RPTOR: variants seen among roughly 807,000 people sequenced by gnomAD.
The protein encoded by RPTOR is regulatory-associated protein of mTOR.
RPTOR carries 21 observed loss-of-function variants against 169.9 expected under a neutral mutation model. The ratio of observed to expected loss-of-function variants is 0.12; its 90% CI spans 0.09 to 0.18. RPTOR has a LOEUF of 0.18. Among genes scored for constraint, RPTOR ranks in the 10% least tolerant of loss-of-function variants. The pLI is 1.00. For missense variants in RPTOR, 1,133 were observed against 1,855.9 expected, an observed-to-expected ratio of 0.61 and a Z score of 7.16; for synonymous variants, 732 against 753.2, an observed-to-expected ratio of 0.97 and a Z score of 0.46.
Position 80,604,232 on chromosome 17 carries a change from A to G in RPTOR, c.163-21459A>G, listed in dbSNP as rs1488285366. Reference sequence around the variant, plus strand: ...TAGTCACAAAGGGGAAGTAGCAGGTATGTTGCAAGAAAAAACTTATTAGAA... The same window carrying G: ...TAGTCACAAAGGGGAAGTAGCAGGTGTGTTGCAAGAAAAAACTTATTAGAA... On this transcript the variant is annotated intron_variant, in intron 1 of 33. Coordinates refer to ENST00000306801, the MANE Select transcript of RPTOR (RefSeq NM_020761.3). Among the ~76,000 whole-genome samples the G allele has an allele frequency of 2.6e-5, 4 of 152,270 alleles. No homozygotes were observed. In the East Asian group the frequency reaches 5.8e-4, roughly 22 times the overall value.
At chr17:80,913,677 T>A (rs1480427972) in intron 21 of RPTOR, among the ~76,000 whole-genome samples, 2 of 152,176 alleles carry the variant, frequency 1.3e-5, no homozygotes, top group Non-Finnish European at 2.9e-5. Context: ...GGTCTCAAAC[T>A]CCTAGGCTCA....
At chr17:80,632,180 G>C (rs1007258162) in intron 2 of RPTOR, among the ~76,000 whole-genome samples, 1 of 152,130 alleles carries the variant, frequency 6.6e-6, no homozygotes, top group Non-Finnish European at 1.5e-5. Flanking sequence ...GGTTGAAATT[G>C]ACTTCTTATT....
chr17:80,923,694 G>A (rs532822026), intron 23 of RPTOR, 21 bp downstream of exon 23: 17 of 1,559,518 alleles, frequency 1.1e-5, no homozygotes, highest in African/African-American at 6.8e-5. Flanking sequence ...CCGGCTGCCT[G>A]GTGATCTGGA....
chr17:80,842,870 C>A (rs1420725024), intron 10 of RPTOR, among the ~76,000 whole-genome samples: 1 of 152,148 alleles, frequency 6.6e-6, no homozygotes, highest in Non-Finnish European at 1.5e-5. Context: ...CACTGAGGAC[C>A]GTGTCCGCGT....
intron 1 of RPTOR, among the ~76,000 whole-genome samples, chr17:80,591,439 C>T (rs951792996): frequency 1.4e-5 from 2 of 147,990 alleles, no homozygotes; most frequent in Non-Finnish European, 3.0e-5. Flanking sequence ...AGTGCAGTGG[C>T]GTGATCTCGG....
chr17:80,679,393 C>T (rs1225675981), intron 3 of RPTOR, among the ~76,000 whole-genome samples: 1 of 152,206 alleles, frequency 6.6e-6, no homozygotes, highest in African/African-American at 2.4e-5. Flanking sequence ...CGCACAGCCA[C>T]GTTCTCCTCA....
At chr17:80,858,670 G>A (rs774262407) in intron 13 of RPTOR, among the ~76,000 whole-genome samples, 14 of 152,068 alleles carry the variant, frequency 9.2e-5, no homozygotes, top group Admixed American at 2.6e-4. Context: ...GGCGAGACCC[G>A]GCCTATGCTG....
chr17:80,589,521 A>G (rs947555730), intron 1 of RPTOR, among the ~76,000 whole-genome samples: 3 of 152,200 alleles, frequency 2.0e-5, no homozygotes, highest in Non-Finnish European at 2.9e-5. Context: ...TTGTGATTTA[A>G]TCATATCTGT....
intron 6 of RPTOR, among the ~76,000 whole-genome samples, chr17:80,784,558 A>G (rs1555618786): frequency 6.6e-6 from 1 of 151,050 alleles, no homozygotes; most frequent in Non-Finnish European, 1.5e-5. Context: ...TGCCCAGCTA[A>G]TTTTTTGTAT....
At chr17:80,630,304 A>G (rs866810624) in intron 2 of RPTOR, among the ~76,000 whole-genome samples, 3 of 152,220 alleles carry the variant, frequency 2.0e-5, no homozygotes, top group African/African-American at 4.8e-5. Context: ...TGCATAGTCT[A>G]TAGTTTAGTA....
chr17:80,796,662 G>T (rs190243244), intron 7 of RPTOR, among the ~76,000 whole-genome samples: 1 of 152,156 alleles, frequency 6.6e-6, no homozygotes, highest in Non-Finnish European at 1.5e-5. Flanking sequence ...TATCACAGTC[G>T]CTGTAGCCAC....
chr17:80,627,176 C>G (rs898780118), intron 2 of RPTOR, among the ~76,000 whole-genome samples: 2 of 152,220 alleles, frequency 1.3e-5, no homozygotes, highest in South Asian at 4.1e-4. Flanking sequence ...CCTGCCACCA[C>G]GCCCAGGCAA....
At chr17:80,773,976 C>A (rs1598295601) in intron 6 of RPTOR, 7 of 985,304 alleles carry the variant, frequency 7.1e-6, no homozygotes, top group Non-Finnish European at 8.4e-6. Context: ...TGACAAAGGC[C>A]CTCTTCTCGG....
Position 80,803,604 on chromosome 17 carries a change from C to A in RPTOR, c.890+12095C>A, listed in dbSNP as rs1454674252. 1 of 152,266 alleles carries A rather than the reference C, an allele frequency of 6.6e-6. No individual in the cohort carries two copies. The highest frequency in any genetic ancestry group is 2.4e-5 in the African/African-American group (1 of 41,446). The allele number at this position is 152,266 out of a possible 1,614,324, so 9.4% of individuals were successfully genotyped here. A position where few individuals can be genotyped will look rare whatever the true frequency, so the allele number is the denominator to read the frequency against. ...GCCTCGGGTTCCAGGCTCGAGCGCA[C>A]TTTTCAGACCCCGCGTGTGTTTCTC... On this transcript the variant is annotated intron_variant, in intron 7 of 33. Transcript: ENST00000306801. The surrounding 1 kb of genome is among the most constrained non-coding windows in gnomAD (Gnocchi z 6.2).
chr17:80,715,600 A>AT (rs556616315), intron 4 of RPTOR, among the ~76,000 whole-genome samples: 302 of 149,730 alleles, frequency 2.0e-3, no homozygotes, highest in Non-Finnish European at 3.7e-3. Flanking sequence ...TTTTTTTTCA[A>AT]TTTTTTATTT....
chr17:80,562,617 C>T lies in RPTOR; in HGVS notation c.162+16826C>T, dbSNP rs2084513696. 6.6e-6 allele frequency among the ~76,000 whole-genome samples: 1 copy of T among 152,180 alleles called. No individual in the cohort carries two copies. The highest frequency in any genetic ancestry group is 1.5e-5 in the Non-Finnish European group (1 of 68,036). The stretch of plus-strand genomic sequence containing the variant: ...TGGCCAACATGGCGAAACCCCGTCT[C>T]TACTAAAAATACAGGAATTATCTGG... On this transcript the variant is annotated intron_variant, in intron 1 of 33. Transcript: ENST00000306801. The surrounding 1 kb of genome is among the most constrained non-coding windows in gnomAD (Gnocchi z 4.4).
At chr17:80,594,095 T>G (rs959114401) in intron 1 of RPTOR, among the ~76,000 whole-genome samples, 2 of 152,144 alleles carry the variant, frequency 1.3e-5, no homozygotes, top group African/African-American at 4.8e-5. Flanking sequence ...CTTTTCTCTT[T>G]TCTTTTCTTT....
chr17:80,634,330 C>CGTACTGTGTGT (rs2065472546), intron 2 of RPTOR, among the ~76,000 whole-genome samples: 1 of 32,406 alleles, frequency 3.1e-5, no homozygotes. Context: ...GTACTATGTG[C>CGTACTGTGTGT]GTGTGCGTAC....
intron 1 of RPTOR, among the ~76,000 whole-genome samples, chr17:80,549,810 T>C (rs915400669): frequency 2.6e-5 from 4 of 152,234 alleles, no homozygotes; most frequent in Non-Finnish European, 4.4e-5. Context: ...TCTGTCTACA[T>C]GCATGTAGCA....
Sources: gnomAD v4.1 joint callset for allele counts (sites outside exome capture counted in the v4.1 genomes callset) on GRCh38, gnomAD v4.1.1 for gene constraint, Gnocchi (gnomAD v3.1) non-coding constraint, MANE v1.5 for transcripts, NCBI Gene and HGNC (gene_info 2026-07-23, HGNC 2026-07-21) for gene names.